The following RAD51 variants were observed in gnomAD, a reference collection of about 807,000 sequenced individuals.
The protein encoded by RAD51 is DNA repair protein RAD51 homolog 1.
A neutral mutation model predicts 41.5 loss-of-function variants in RAD51; 14 were observed. The observed-to-expected ratio is 0.34, with a 90% confidence interval of 0.22 to 0.53. The LOEUF is 0.53. RAD51 is among the 20% of genes least tolerant of loss of function. RAD51 has a pLI of 0.95. For synonymous variants in RAD51, 136 were observed against 148.6 expected (o/e 0.92, Z 0.62); for missense variants, 234 against 422.0 (o/e 0.55, Z 3.90).
chr15:40,730,991 A>C, intron 9 of RAD51, 64 bp from the exon 10 acceptor site: 2 of 1,608,922 alleles, frequency 1.2e-6, no homozygotes, highest in Middle Eastern at 1.7e-4. Flanking sequence ...GCTCTGTTAC[A>C]AAGTCAGGAA....
In RAD51 at chr15:40,723,853, T is replaced by C. The variant is rs575144262; in HGVS notation, c.531-4858T>C. Among the ~76,000 whole-genome samples, 7 of 152,286 alleles carry C rather than the reference T, an allele frequency of 4.6e-5. No homozygotes were observed. In the South Asian group the frequency reaches 1.5e-3, roughly 32 times the overall value. ...TAAAGCTCGTGAAGAGTTTGTAAGT[T>C]TCTATATCAAATAAAGTTTTTAAAT... On this transcript the variant is annotated intron_variant, in intron 6 of 9. Coordinates refer to ENST00000267868, the MANE Select transcript of RAD51 (RefSeq NM_002875.5).
chr15:40,704,049 C>T (rs1034309881), intron 3 of RAD51, among the ~76,000 whole-genome samples: 2 of 151,470 alleles, frequency 1.3e-5, no homozygotes, highest in South Asian at 4.2e-4. Context: ...ACCACAGGCA[C>T]GCCCCACCAT....
chr15:40,713,262 T>TA (rs1491344989), intron 5 of RAD51, among the ~76,000 whole-genome samples: 2 of 149,592 alleles, frequency 1.3e-5, no homozygotes, highest in East Asian at 1.9e-4. Context: ...TTTTTTTTTT[T>TA]ATTTGAGACG....
intron 3 of RAD51, among the ~76,000 whole-genome samples, chr15:40,704,448 G>GC (rs1194144122): frequency 2.2e-4 from 33 of 147,242 alleles, no homozygotes; most frequent in African/African-American, 7.3e-4. Context: ...TGCAACCTCC[G>GC]CCGCCCGGGT....
At chr15:40,723,517 G>A (rs776165057) in intron 6 of RAD51, among the ~76,000 whole-genome samples, 3 of 152,092 alleles carry the variant, frequency 2.0e-5, no homozygotes, top group Non-Finnish European at 2.9e-5. Context: ...GTACTGATAC[G>A]TGTTAACAAC....
At chr15:40,712,877 C>CTTTTTTTTTTT (rs398039433) in intron 5 of RAD51, among the ~76,000 whole-genome samples, 31 of 103,884 alleles carry the variant, frequency 3.0e-4, no homozygotes, top group African/African-American at 4.2e-4. Context: ...CTTTTCTTTT[C>CTTTTTTTTTTT]TTTTTTTTTT....
chr15:40,710,241 CAAAAA>C (rs71104728), intron 5 of RAD51, among the ~76,000 whole-genome samples: 7 of 44,312 alleles, frequency 1.6e-4, no homozygotes, highest in South Asian at 1.0e-3. Flanking sequence ...GACTCTGTCT[CAAAAA>C]AAAAAAAAAA....
At chr15:40,725,249 C>G (rs1896523527) in intron 6 of RAD51, among the ~76,000 whole-genome samples, 1 of 151,986 alleles carries the variant, frequency 6.6e-6, no homozygotes, top group Non-Finnish European at 1.5e-5. Context: ...CCAGGCTGGT[C>G]TCAAACTCTT....
chr15:40,707,608 C>G (rs1895433253), intron 4 of RAD51, among the ~76,000 whole-genome samples: 1 of 151,792 alleles, frequency 6.6e-6, no homozygotes, highest in South Asian at 2.1e-4. Context: ...TGCCTGGCCC[C>G]CAATGTCAGT....
At chr15:40,697,359 C>T (rs1448381361) in intron 1 of RAD51, among the ~76,000 whole-genome samples, 2 of 152,134 alleles carry the variant, frequency 1.3e-5, no homozygotes, top group South Asian at 2.1e-4. Context: ...CCGCCTTGGC[C>T]TCCCAAAGTG....
intron 3 of RAD51, among the ~76,000 whole-genome samples, chr15:40,704,430 C>T (rs188394241): frequency 2.0e-5 from 3 of 149,622 alleles, no homozygotes; most frequent in East Asian, 2.0e-4. Context: ...GGTGTGATCT[C>T]GGCTCACTGC....
chr15:40,718,399 T>C (rs537550989), intron 5 of RAD51, among the ~76,000 whole-genome samples: 16 of 150,078 alleles, frequency 1.1e-4, no homozygotes, highest in Admixed American at 8.0e-4. Flanking sequence ...GGACCTTTAA[T>C]CTCAACAACT....
rs1044379404 is a variant in RAD51, at chr15:40,731,536, C to T, written c.*358C>T. 5.9e-6 allele frequency: 2 copies of T among 339,240 alleles called. No individual in the cohort carries two copies. The highest frequency in any genetic ancestry group is 4.1e-5 in the African/African-American group (2 of 48,382). The allele number at this position is 339,240 out of a possible 1,614,324, so 21.0% of individuals were successfully genotyped here. A position where few individuals can be genotyped will look rare whatever the true frequency, so the allele number is the denominator to read the frequency against. On this transcript the variant is annotated 3_prime_UTR_variant, in exon 10 of 10. Transcript: ENST00000267868. ...AGAACTAAAGCTGGAGAGACCTGAC[C>T]CTTCTCTCACTTCTAAATTAATGGT...
At chr15:40,702,350 T>C (rs1895057513) in intron 3 of RAD51, among the ~76,000 whole-genome samples, 1 of 152,216 alleles carries the variant, frequency 6.6e-6, no homozygotes, top group African/African-American at 2.4e-5. Flanking sequence ...CCTTGCGAGA[T>C]CTTGGTTTCA....
At chr15:40,718,717 GGAGGA>G in intron 5 of RAD51, 83 bp from the exon 6 acceptor site, 2 of 1,160,192 alleles carry the variant, frequency 1.7e-6, no homozygotes, top group South Asian at 2.5e-5. Context: ...CCTTTGCCTT[GGAGGA>G]ATTATAAAGA....
chr15:40,716,636 C>CCATGCCTG (rs1038928997), intron 5 of RAD51, among the ~76,000 whole-genome samples: 4 of 151,048 alleles, frequency 2.6e-5, no homozygotes, highest in African/African-American at 9.7e-5. Context: ...GTGTGAGCCC[C>CCATGCCTG]CATGCCTGGC....
chr15:40,698,666 C>G, intron 1 of RAD51, 91 bp from the exon 2 acceptor site: 1 of 1,267,746 alleles, frequency 7.9e-7, no homozygotes, highest in Admixed American at 1.8e-5. Flanking sequence ...TTCCTAAAGT[C>G]TTTTTGATAC....
intron 2 of RAD51, 118 bp from the exon 3 acceptor site, chr15:40,700,946 A>G: frequency 2.3e-6 from 2 of 886,420 alleles, no homozygotes; most frequent in Non-Finnish European, 3.3e-6. Flanking sequence ...CAAGGATTTC[A>G]AGGGACAGTT....
intron 3 of RAD51, among the ~76,000 whole-genome samples, chr15:40,705,506 T>C (rs1895273872): frequency 6.6e-6 from 1 of 152,258 alleles, no homozygotes; most frequent in African/African-American, 2.4e-5. Flanking sequence ...GGATACAGTC[T>C]GCGGTTGATG....
Sources: allele counts gnomAD v4.1 joint callset (sites outside exome capture counted in the v4.1 genomes callset), GRCh38; gene constraint gnomAD v4.1.1; transcripts MANE v1.5; gene names NCBI Gene and HGNC (gene_info 2026-07-23, HGNC 2026-07-21).